The following CCNB3 variants were observed in gnomAD, a reference collection of about 807,000 sequenced individuals.
CCNB3 encodes the protein cyclin B3, also known as G2/mitotic-specific cyclin-B3.
A neutral mutation model predicts 68.0 loss-of-function variants in CCNB3; 12 were observed. The ratio of observed to expected loss-of-function variants is 0.18; its 90% CI spans 0.11 to 0.29. CCNB3 has a LOEUF of 0.29. CCNB3 is among the 10% of genes least tolerant of loss of function. The pLI, the probability that CCNB3 is intolerant of heterozygous loss-of-function variation, is 1.00. For synonymous variants in CCNB3, 354 were observed against 388.9 expected (o/e 0.91, Z 1.06); for missense variants, 904 against 993.1 (o/e 0.91, Z 1.21).
chrX:50,287,319 TA>T (rs1936258401), intron 3 of CCNB3, among the ~76,000 whole-genome samples: 4 of 111,086 alleles, frequency 3.6e-5, no homozygotes, highest in Admixed American at 2.9e-4. Flanking sequence ...CCTTCTGCTT[TA>T]AAATATTCAT....
At chrX:50,344,362 A>C (rs1327508875) in intron 9 of CCNB3, among the ~76,000 whole-genome samples, 1 of 112,792 alleles carries the variant, frequency 8.9e-6, no homozygotes. Context: ...ACACATGTGC[A>C]TACACATCAG....
At chrX:50,214,988 A>ATTAT (rs1335728293) in intron 1 of CCNB3, among the ~76,000 whole-genome samples, 2 of 107,972 alleles carry the variant, frequency 1.9e-5, no homozygotes, top group African/African-American at 6.7e-5. Context: ...TTGTTCTGTT[A>ATTAT]TTATTTATTT....
intron 1 of CCNB3, among the ~76,000 whole-genome samples, chrX:50,279,009 A>G (rs1456432462): frequency 3.6e-5 from 2 of 55,209 alleles, no homozygotes; most frequent in African/African-American, 8.0e-5. Context: ...TAGAATATAT[A>G]TATTTATATA....
chrX:50,299,285 C>T (rs1936566294), intron 5 of CCNB3, among the ~76,000 whole-genome samples: 1 of 110,735 alleles, frequency 9.0e-6, no homozygotes, highest in African/African-American at 3.3e-5. Context: ...TATAAATTTC[C>T]CTCTACACAC....
chrX:50,281,085 C>T (rs1222881183), intron 1 of CCNB3, among the ~76,000 whole-genome samples: 6 of 110,540 alleles, frequency 5.4e-5, no homozygotes, highest in Non-Finnish European at 7.6e-5. Context: ...TAAAGAGACC[C>T]GATACTCCCT....
At chrX:50,306,396 A>G (rs1921076513) in intron 5 of CCNB3, among the ~76,000 whole-genome samples, 1 of 111,661 alleles carries the variant, frequency 9.0e-6, no homozygotes, top group Non-Finnish European at 1.9e-5. Context: ...GATTTTCTCT[A>G]TATAAGATCA....
intron 8 of CCNB3, among the ~76,000 whole-genome samples, chrX:50,335,174 T>C (rs1413702375): frequency 8.9e-6 from 1 of 111,958 alleles, no homozygotes; most frequent in East Asian, 2.8e-4. Context: ...CCGAAGATAG[T>C]AAGGGAGTTC....
chrX:50,309,893 C>A lies in CCNB3; in HGVS notation c.1724C>A (p.Thr575Lys). 8.3e-7 allele frequency: 1 copy of A among 1,210,461 alleles called. No homozygotes were observed. The highest frequency in any genetic ancestry group is 2.3e-4 in the Middle Eastern group (1 of 4,348). The change falls in exon 6 of 13, where the codon ACA (threonine) becomes AAA (lysine). Residue 575 changes from threonine (T) to lysine (K), a missense_variant. Around this residue, in one of 2 missense-constraint regions of CCNB3, gnomAD observed 619 missense variants for 609.8 expected, o/e 1.02. Coordinates refer to ENST00000376042, the MANE Select transcript of CCNB3 (RefSeq NM_033031.3). ...CCAATGTCATTTAGGAAGAACCCTA[C>A]AACTGAGGAGACAGTACTTACCAAG... The part of the protein sequence containing the change: ...MEPMSFRKNP[T>K]TEETVLTKTS...
intron 8 of CCNB3, among the ~76,000 whole-genome samples, chrX:50,327,576 G>A (rs1922354832): frequency 8.9e-6 from 1 of 112,643 alleles, no homozygotes; most frequent in East Asian, 2.8e-4. Context: ...GGCTATGCAA[G>A]CACTAGCTAT....
intron 8 of CCNB3, among the ~76,000 whole-genome samples, chrX:50,337,875 T>C (rs1477967946): frequency 9.0e-6 from 1 of 111,712 alleles, no homozygotes; most frequent in Non-Finnish European, 1.9e-5. Context: ...AACCAAAGTA[T>C]CAAGTAATCC....
chrX:50,279,208 G>T (rs1352330345), intron 1 of CCNB3, among the ~76,000 whole-genome samples: 1 of 1,933 alleles, frequency 5.2e-4, no homozygotes, highest in Admixed American at 0.018. Context: ...TAAATATATA[G>T]AGTATATATA....
At chrX:50,351,199 G>T (rs782353402) in intron 11 of CCNB3, 42 bp from the exon 12 acceptor site, 2 of 1,204,033 alleles carry the variant, frequency 1.7e-6, no homozygotes, top group East Asian at 5.9e-5. Flanking sequence ...GGAACGGTGT[G>T]CTTCCTATAG....
At chrX:50,287,540 A>G (rs782563189) in intron 3 of CCNB3, among the ~76,000 whole-genome samples, 1 of 112,278 alleles carries the variant, frequency 8.9e-6, no homozygotes, top group Non-Finnish European at 1.9e-5. Context: ...AAGGACTGTA[A>G]GGCAAGTTAT....
At chrX:50,292,177 G>A (rs1429648065) in intron 4 of CCNB3, among the ~76,000 whole-genome samples, 1 of 111,177 alleles carries the variant, frequency 9.0e-6, no homozygotes, top group Non-Finnish European at 1.9e-5. Flanking sequence ...GCAGTTTTGT[G>A]TAATCAATCA....
intron 1 of CCNB3, among the ~76,000 whole-genome samples, chrX:50,207,658 C>T (rs73211771): frequency 8.9e-6 from 1 of 111,996 alleles, no homozygotes; most frequent in Non-Finnish European, 1.9e-5. Context: ...ACTGATTCCA[C>T]TGAATCTATC....
chrX:50,224,847 A>G (rs1935727833), intron 1 of CCNB3, among the ~76,000 whole-genome samples: 1 of 111,641 alleles, frequency 9.0e-6, no homozygotes, highest in Admixed American at 9.6e-5. Context: ...TTCCAGTCTG[A>G]TCACTTATTA....
chrX:50,279,212 A>G (rs1283273796), intron 1 of CCNB3, among the ~76,000 whole-genome samples: 2 of 418 alleles, frequency 4.8e-3, no homozygotes, highest in Non-Finnish European at 0.033. Context: ...TATATAGAGT[A>G]TATATATTCA....
Position 50,308,900 on chromosome X carries a change from G to A in CCNB3, c.731G>A (p.Cys244Tyr). The A allele has an allele frequency of 5.0e-6, 6 of 1,211,494 alleles. No homozygotes were observed. Among genetic ancestry groups the A allele is most frequent in the Non-Finnish European group, 6.7e-6 (6 of 895,445 alleles). ...KMCASQRKQS[C>Y]QEESLAVQDV... ...TGTGCAAGTCAGCGGAAGCAGTCCT[G>A]CCAGGAAGAGTCGTTGGCTGTGCAG... The change falls in exon 6 of 13, where the codon TGC becomes TAC. Residue 244 changes from cysteine (C) to tyrosine (Y), a missense_variant. This residue lies in a region of CCNB3 where 619 missense variants were observed against 609.8 expected (regional missense o/e 1.02). Transcript: ENST00000376042.
chrX:50,304,228 T>C (rs1936710176), intron 5 of CCNB3, among the ~76,000 whole-genome samples: 1 of 111,913 alleles, frequency 8.9e-6, no homozygotes, highest in Non-Finnish European at 1.9e-5. Context: ...GTCTTGATTA[T>C]TGCAGCTTCA....
Sources: allele counts gnomAD v4.1 joint callset (sites outside exome capture counted in the v4.1 genomes callset), GRCh38; gene constraint gnomAD v4.1.1; regional missense constraint gnomAD v4.1.1; transcripts MANE v1.5; gene names NCBI Gene and HGNC (gene_info 2026-07-23, HGNC 2026-07-21).